The following OLAH variants were observed in gnomAD, a reference collection of about 807,000 sequenced individuals.
OLAH encodes the protein S-acyl fatty acid synthase thioesterase, medium chain.
OLAH carries 33 observed loss-of-function variants against 27.8 expected under a neutral mutation model. The ratio of observed to expected loss-of-function variants is 1.19; its 90% CI spans 0.90 to 1.59. The LOEUF is 1.59. Ranked by LOEUF, OLAH falls within the 40% of genes most tolerant of loss-of-function variation. The pLI, the probability that OLAH is intolerant of heterozygous loss-of-function variation, is 0.00. For synonymous variants in OLAH, 120 were observed against 102.9 expected (o/e 1.17, Z -1.01); for missense variants, 359 against 310.8 (o/e 1.16, Z -1.17).
chr10:15,056,883 C>T (rs947212661), intron 3 of OLAH: 4 of 1,533,736 alleles, frequency 2.6e-6, no homozygotes, highest in Admixed American at 4.1e-5. Flanking sequence ...AAGTGATCCT[C>T]CTGCTTCAGC....
At chr10:15,069,897 G>T (rs1224546703) in intron 6 of OLAH, among the ~76,000 whole-genome samples, 1 of 152,030 alleles carries the variant, frequency 6.6e-6, no homozygotes, top group Non-Finnish European at 1.5e-5. Flanking sequence ...GAGGCTGTGA[G>T]TCAGTGGGAA....
intron 1 of OLAH, among the ~76,000 whole-genome samples, chr10:15,033,700 C>T (rs746619249): frequency 3.3e-5 from 5 of 152,074 alleles, no homozygotes; most frequent in Non-Finnish European, 7.3e-5. Flanking sequence ...GTACTTTGAA[C>T]GTGCGTCCTC....
At chr10:15,037,146 C>A (rs1177927653) in intron 1 of OLAH, among the ~76,000 whole-genome samples, 1 of 149,826 alleles carries the variant, frequency 6.7e-6, no homozygotes, top group African/African-American at 2.5e-5. Context: ...ACTACAATTG[C>A]ACATAACATT....
chr10:15,071,806 C>T lies in OLAH; in HGVS notation c.584C>T (p.Pro195Leu), dbSNP rs1381530900. 1.2e-6 allele frequency: 2 copies of T among 1,611,914 alleles called. No homozygotes were observed. Among genetic ancestry groups the T allele is most frequent in the Non-Finnish European group, 1.7e-6 (2 of 1,178,232 alleles). ...NIVRSCTSNV[P>L]SKAVLSCDLT... The stretch of plus-strand genomic sequence containing the variant: ...TTTTATGTTTATAGCTCTAACGTAC[C>T]ATCTAAGGCTGTTCTTTCCTGTGAC... The change falls in exon 7 of 8, where the codon CCA becomes CTA. Residue 195 changes from proline to leucine, a missense_variant. Coordinates refer to ENST00000378228, the MANE Select transcript of OLAH (RefSeq NM_001039702.3).
intron 6 of OLAH, among the ~76,000 whole-genome samples, chr10:15,066,173 G>A (rs1008034211): frequency 4.6e-5 from 7 of 151,420 alleles, no homozygotes; most frequent in South Asian, 2.1e-4. Flanking sequence ...GTCAGGAGGC[G>A]GAGGTTGCAG....
chr10:15,042,282 G>C (rs903644393), upstream of OLAH, among the ~76,000 whole-genome samples: 2 of 151,974 alleles, frequency 1.3e-5, no homozygotes, highest in Non-Finnish European at 2.9e-5. Flanking sequence ...CTCCCAAGTA[G>C]CTGGGATTAC....
intron 3 of OLAH, among the ~76,000 whole-genome samples, chr10:15,059,341 C>G (rs903818038): frequency 1.3e-5 from 2 of 150,340 alleles, no homozygotes; most frequent in Non-Finnish European, 3.0e-5. Flanking sequence ...TGTGCACCAC[C>G]ACACTCAGCT....
chr10:15,034,773 A>C (rs1377720647), intron 1 of OLAH, among the ~76,000 whole-genome samples: 3 of 150,834 alleles, frequency 2.0e-5, no homozygotes, highest in Non-Finnish European at 2.9e-5. Context: ...ACTGTACTGC[A>C]GACAGTTTTC....
chr10:15,061,768 C>A lies in OLAH; in HGVS notation c.208C>A (p.Pro70Thr), dbSNP rs1192078888. ...TGGAAGAGAAAGCAGAGTTGAAGAA[C>A]CTCTTGAAAATGACATCTCCCAGTT... ...LPGRESRVEEPLENDISQLVD... is the reference protein window; with the variant it reads ...LPGRESRVEETLENDISQLVD... The change falls in exon 4 of 8, where the codon CCT becomes ACT. Residue 70 changes from proline (P) to threonine (T), a missense_variant. Physicochemically the swap from Pro to Thr is conservative, Grantham distance 38. Coordinates refer to ENST00000378228, the MANE Select transcript of OLAH (RefSeq NM_001039702.3). 1.2e-6 allele frequency: 2 copies of A among 1,613,462 alleles called. No individual in the cohort carries two copies. Among genetic ancestry groups the A allele is most frequent in the Non-Finnish European group, 1.7e-6 (2 of 1,179,786 alleles).
chr10:15,071,657 G>C, intron 6 of OLAH, 138 bp from the exon 7 acceptor site: 1 of 1,413,558 alleles, frequency 7.1e-7, no homozygotes, highest in Non-Finnish European at 9.3e-7. Context: ...AGTGCCATTG[G>C]TGAAAAATGT....
intron 1 of OLAH, among the ~76,000 whole-genome samples, chr10:15,034,117 T>TTTC (rs199800368): frequency 0.39 from 54,309 of 140,046 alleles, 10,661 homozygotes; most frequent in East Asian, 0.66. Flanking sequence ...TTTTTTTTCT[T>TTTC]TTTTTTTTTT....
intron 3 of OLAH, among the ~76,000 whole-genome samples, chr10:15,054,605 A>T (rs567893228): frequency 8.2e-6 from 1 of 121,890 alleles, no homozygotes; most frequent in South Asian, 3.2e-4. Flanking sequence ...GCCTTCTATG[A>T]CTACTACTTT....
Position 15,071,964 on chromosome 10 carries a change from C to T in OLAH, c.655+87C>T, listed in dbSNP as rs150276531. 3,602 of 926,216 alleles carry T rather than the reference C, an allele frequency of 3.9e-3. 10 individuals carry two copies. Among genetic ancestry groups the T allele is most frequent in the Non-Finnish European group, 5.3e-3 (3,099 of 583,434 alleles). 57.4% of individuals were successfully genotyped at this position (926,216 alleles called of 1,614,324 possible). On this transcript the variant is annotated intron_variant, in intron 7 of 7. Coordinates refer to ENST00000378228, the MANE Select transcript of OLAH (RefSeq NM_001039702.3). ...TTTTTTTTCTTTTGAGACAGAGTCT[C>T]GCCCTGTCACCCAGGCTGGAGTGCA... is the stretch of plus-strand genomic sequence containing the variant.
At chr10:15,060,653 G>A (rs1844344970) in intron 3 of OLAH, among the ~76,000 whole-genome samples, 2 of 152,000 alleles carry the variant, frequency 1.3e-5, no homozygotes, top group South Asian at 2.1e-4. Flanking sequence ...TCATGTTCAT[G>A]TTTTCATTCA....
chr10:15,040,238 C>A (rs957786029), upstream of OLAH, among the ~76,000 whole-genome samples: 1 of 152,152 alleles, frequency 6.6e-6, no homozygotes, highest in Non-Finnish European at 1.5e-5. Flanking sequence ...AATTCTCTTT[C>A]CCCTTTGGTT....
At chr10:15,065,775 T>A (rs1412707006) in intron 6 of OLAH, 22 bp downstream of exon 6, 1 of 1,575,800 alleles carries the variant, frequency 6.3e-7, no homozygotes, top group Non-Finnish European at 8.6e-7. Context: ...AAACAAGGTT[T>A]TTTCTTTTTT....
At chr10:15,057,118 T>C (rs1844261183) in intron 3 of OLAH, 5 of 1,143,756 alleles carry the variant, frequency 4.4e-6, no homozygotes, top group Non-Finnish European at 5.6e-6. Context: ...ATGCTTTTTA[T>C]GGCTTGCTTT....
rs144253502 is a variant in OLAH, at chr10:15,072,948, C to T, written c.656-139C>T. Reference sequence around the variant, plus strand: ...GAGGGGCTTGTCCAAGATGGCAATGCTCCTGCTTCATCACCTAGAACATAA... The same window carrying T: ...GAGGGGCTTGTCCAAGATGGCAATGTTCCTGCTTCATCACCTAGAACATAA... On this transcript the variant is annotated intron_variant, in intron 7 of 7. Coordinates refer to ENST00000378228, the MANE Select transcript of OLAH (RefSeq NM_001039702.3). 1.6e-3 allele frequency: 1,241 copies of T among 759,432 alleles called. 16 individuals carry two copies. Among genetic ancestry groups the T allele is most frequent in the Non-Finnish European group, 3.9e-4 (178 of 462,094 alleles). 47.0% of individuals were successfully genotyped at this position (759,432 alleles called of 1,614,324 possible).
chr10:15,062,543 C>T (rs893175307), intron 4 of OLAH, among the ~76,000 whole-genome samples: 1 of 151,360 alleles, frequency 6.6e-6, no homozygotes, highest in Admixed American at 6.6e-5. Flanking sequence ...AATGTACACT[C>T]ACAGGATGTG....
Sources: gnomAD v4.1 joint callset for allele counts (sites outside exome capture counted in the v4.1 genomes callset) on GRCh38, gnomAD v4.1.1 for gene constraint, MANE v1.5 for transcripts, NCBI Gene and HGNC (gene_info 2026-07-23, HGNC 2026-07-21) for gene names.